GABBR2: variants seen among roughly 807,000 people sequenced by gnomAD.
GABBR2 encodes the protein G-protein coupled receptor 51.
A neutral mutation model predicts 105.6 loss-of-function variants in GABBR2; 23 were observed. The observed-to-expected ratio is 0.22, with a 90% CI of 0.16 to 0.31. GABBR2 has a LOEUF of 0.31. Ranked by LOEUF, GABBR2 falls within the 10% of genes least tolerant of loss-of-function variation. The pLI is 1.00. For synonymous variants in GABBR2, 478 were observed against 499.7 expected, an observed-to-expected ratio of 0.96 and a Z score of 0.58; for missense variants, 734 against 1,245.5, an observed-to-expected ratio of 0.59 and a Z score of 6.18.
chr9:98,391,712 A>G (rs1288748946), intron 9 of GABBR2, among the ~76,000 whole-genome samples: 1 of 152,132 alleles, frequency 6.6e-6, no homozygotes, highest in Admixed American at 6.5e-5. Flanking sequence ...AACTGTAAGC[A>G]GTTTAGTTGG....
intron 8 of GABBR2, among the ~76,000 whole-genome samples, chr9:98,402,489 C>T (rs185572023): frequency 1.2e-4 from 18 of 152,270 alleles, no homozygotes; most frequent in East Asian, 5.8e-4. Context: ...GCCTTACCTA[C>T]GGCCAAGGGT....
At chr9:98,687,185 T>C (rs1033695135) in intron 1 of GABBR2, among the ~76,000 whole-genome samples, 1 of 151,354 alleles carries the variant, frequency 6.6e-6, no homozygotes, top group African/African-American at 2.4e-5. Context: ...AGTCTAGACA[T>C]GGGCTCAGTT....
chr9:98,595,804 C>T (rs534438004), intron 1 of GABBR2, among the ~76,000 whole-genome samples: 17 of 152,104 alleles, frequency 1.1e-4, no homozygotes, highest in African/African-American at 2.7e-4. Flanking sequence ...AAATGAGTTG[C>T]GTGAGAGAAG....
chr9:98,498,976 C>T (rs898071972), intron 3 of GABBR2, among the ~76,000 whole-genome samples: 1 of 152,260 alleles, frequency 6.6e-6, no homozygotes, highest in South Asian at 2.1e-4. Context: ...TGGCTCTCCA[C>T]TTGCATGGCA....
chr9:98,505,013 C>T (rs1005834928), intron 3 of GABBR2, among the ~76,000 whole-genome samples: 9 of 152,214 alleles, frequency 5.9e-5, no homozygotes, highest in African/African-American at 1.2e-4. Context: ...CCAGGTTCTG[C>T]GCACCCCCGT....
At chr9:98,569,208 A>G (rs1828791834) in intron 2 of GABBR2, among the ~76,000 whole-genome samples, 1 of 152,144 alleles carries the variant, frequency 6.6e-6, no homozygotes, top group Non-Finnish European at 1.5e-5. Flanking sequence ...GTTTCCAATC[A>G]AGGCTGCAGG....
intron 1 of GABBR2, among the ~76,000 whole-genome samples, chr9:98,676,917 A>T (rs1830484989): frequency 6.6e-6 from 1 of 152,246 alleles, no homozygotes; most frequent in South Asian, 2.1e-4. Flanking sequence ...ACACTATTAT[A>T]GGATGAATGC....
intron 6 of GABBR2, among the ~76,000 whole-genome samples, chr9:98,464,679 G>A (rs1490045310): frequency 6.6e-6 from 1 of 151,936 alleles, no homozygotes; most frequent in African/African-American, 2.4e-5. Context: ...GAAAAGAAAA[G>A]GGGGAAATGT....
chr9:98,541,037 C>T (rs2131739659), intron 3 of GABBR2, among the ~76,000 whole-genome samples: 1 of 152,308 alleles, frequency 6.6e-6, no homozygotes, highest in African/African-American at 2.4e-5. Flanking sequence ...AGACGCACAC[C>T]TAGCCATGAG....
intron 6 of GABBR2, among the ~76,000 whole-genome samples, chr9:98,455,686 C>G (rs1237404833): frequency 1.3e-5 from 2 of 152,208 alleles, no homozygotes; most frequent in Non-Finnish European, 2.9e-5. Context: ...TGGGCCATGT[C>G]TAGTGTTTTT....
chr9:98,358,096 C>T (rs945383957), intron 13 of GABBR2, among the ~76,000 whole-genome samples: 1 of 152,164 alleles, frequency 6.6e-6, no homozygotes, highest in East Asian at 1.9e-4. Context: ...CCATAGTGCA[C>T]GTATCCATTC....
At chr9:98,526,068 T>C (rs1257291807) in intron 3 of GABBR2, among the ~76,000 whole-genome samples, 2 of 152,200 alleles carry the variant, frequency 1.3e-5, no homozygotes, top group East Asian at 1.9e-4. Flanking sequence ...TCAAATTACA[T>C]AGTGGTAATT....
chr9:98,310,771 G>A (rs932489542), intron 14 of GABBR2, among the ~76,000 whole-genome samples: 1 of 152,210 alleles, frequency 6.6e-6, no homozygotes, highest in African/African-American at 2.4e-5. Flanking sequence ...CTTCCTGGGA[G>A]TAGTGCAGTG....
intron 3 of GABBR2, among the ~76,000 whole-genome samples, chr9:98,508,408 C>T (rs1008763137): frequency 6.6e-6 from 1 of 152,208 alleles, no homozygotes; most frequent in Non-Finnish European, 1.5e-5. Flanking sequence ...GAGTGCCAGA[C>T]AGTAAGTGCA....
In GABBR2 at chr9:98,689,880, ATTCTGAC is replaced by A. The variant is rs535105089; in HGVS notation, c.321+18530_321+18536del. On this transcript the variant is annotated intron_variant, in intron 1 of 18. Transcript: ENST00000259455. Reference sequence around the variant, plus strand: ...ATGTGGGCCTTAAATCTACTCTGACATTCTGACTTCTGACTTCTGACTATAGAGAATG... The same window carrying A: ...ATGTGGGCCTTAAATCTACTCTGACATTCTGACTTCTGACTATAGAGAATG... Among the ~76,000 whole-genome samples the A allele has an allele frequency of 2.6e-3, 396 of 152,318 alleles. 1 individual carries two copies. The highest frequency in any genetic ancestry group is 9.1e-3 in the African/African-American group (380 of 41,566).
At chr9:98,623,728 C>A (rs1266201529) in intron 1 of GABBR2, among the ~76,000 whole-genome samples, 3 of 152,196 alleles carry the variant, frequency 2.0e-5, no homozygotes, top group African/African-American at 7.2e-5. Context: ...GCCTCTGACC[C>A]ATCTGCCTCC....
intron 13 of GABBR2, among the ~76,000 whole-genome samples, chr9:98,352,793 T>C (rs529395110): frequency 6.6e-6 from 1 of 152,194 alleles, no homozygotes; most frequent in South Asian, 2.1e-4. Context: ...CTCTGGGGCA[T>C]AGGACGCTGT....
intron 10 of GABBR2, among the ~76,000 whole-genome samples, chr9:98,386,580 A>C (rs1832076377): frequency 1.3e-5 from 2 of 151,936 alleles, no homozygotes; most frequent in Non-Finnish European, 2.9e-5. Flanking sequence ...TCCTCCCGGA[A>C]CCCTGTGGTG....
chr9:98,335,587 C>T (rs7871923), intron 13 of GABBR2, among the ~76,000 whole-genome samples: 12,099 of 152,072 alleles, frequency 0.08, 692 homozygotes, highest in African/African-American at 0.16. Context: ...TGACCCGGGC[C>T]GGTATTTTCA....
Sources: gnomAD v4.1 joint callset for allele counts (sites outside exome capture counted in the v4.1 genomes callset) on GRCh38, gnomAD v4.1.1 for gene constraint, MANE v1.5 for transcripts, NCBI Gene and HGNC (gene_info 2026-07-23, HGNC 2026-07-21) for gene names.